ZNF841: variants seen among roughly 807,000 people sequenced by gnomAD.
ZNF841 encodes TCONS_00006091.
Under a neutral mutation model 13.0 loss-of-function variants are expected in ZNF841, and 11 were observed. The observed-to-expected ratio is 0.85, with a 90% confidence interval of 0.53 to 1.40. The LOEUF (loss-of-function observed/expected upper bound fraction) is 1.40, where lower values mean the gene tolerates loss of function less well. Among genes scored for constraint, ZNF841 ranks in the 40% most tolerant of loss-of-function variants. ZNF841 has a pLI of 0.00. For missense variants in ZNF841, 1,068 were observed against 1,139.5 expected, an observed-to-expected ratio of 0.94 and a Z score of 0.90; for synonymous variants, 369 against 381.6, an observed-to-expected ratio of 0.97 and a Z score of 0.38.
At chr19:52,059,370 A>AAAAAATATAT in the ZNF841 span, among the ~76,000 whole-genome samples, 8 of 69,642 alleles carry the variant, frequency 1.1e-4, no homozygotes, top group African/African-American at 5.7e-4. Context: ...AAAAAAAAAA[A>AAAAAATATAT]ATATATATAT....
At chr19:52,074,367 T>A (rs16983416) in intron 6 of ZNF841, among the ~76,000 whole-genome samples, 23,917 of 152,152 alleles carry the variant, frequency 0.16, 2,213 homozygotes, top group South Asian at 0.3. Context: ...TTAAAAAAGA[T>A]AAGCCTCATT....
At chr19:52,076,755 C>T (rs1404236603) in intron 5 of ZNF841, among the ~76,000 whole-genome samples, 1 of 151,936 alleles carries the variant, frequency 6.6e-6, no homozygotes. Context: ...CTGGAGTCAC[C>T]ACTAATGTAC....
At position 52,067,258 on chromosome 19, in the gene ZNF841, A is replaced by T; in HGVS notation, c.624T>A (p.Asn208Lys). The change falls in exon 7 of 7, where the codon AAT (asparagine) becomes AAA (lysine). Residue 208 changes from asparagine (N) to lysine (K), a missense_variant. Asn to Lys is a moderately conservative substitution (Grantham distance 94). Transcript: ENST00000594440. ...AATTATTAACTGTCCTCTCAATTTG[A>T]TTACATCCATAAATTTTCTCTGCAG... ...FQTAEKIYGC[N>K]QIERTVNNCF... 2 of 1,551,552 alleles carry T rather than the reference A, an allele frequency of 1.3e-6. No individual in the cohort carries two copies. Among genetic ancestry groups the T allele is most frequent in the Non-Finnish European group, 1.7e-6 (2 of 1,146,946 alleles).
chr19:52,075,410 A>G (rs2087866910), intron 6 of ZNF841, among the ~76,000 whole-genome samples: 1 of 152,220 alleles, frequency 6.6e-6, no homozygotes, highest in Non-Finnish European at 1.5e-5. Flanking sequence ...AACTGTCTTT[A>G]CAATTCTTAT....
chr19:52,084,795 G>C lies in ZNF841; in HGVS notation c.7C>G (p.Leu3Val), dbSNP rs1196559564. ...CAAGATTATCACTTTACCTGAGGAA[G>C]AGCCATCCCTGGCTCCTTTTCTTTC... is the stretch of plus-strand genomic sequence containing the variant. Reference protein sequence around the residue: MALPQGSLTFRDV... With the variant: MAVPQGSLTFRDV... Residue 3 changes from leucine (L) to valine (V), a missense_variant, in exon 4 of 7, where the codon CTT becomes GTT. By Grantham distance (32) the Leu-to-Val change is conservative. Coordinates refer to ENST00000594440, the MANE Select transcript of ZNF841 (RefSeq NM_001136499.2). The C allele has an allele frequency of 3.1e-6, 5 of 1,613,490 alleles. No individual in the cohort carries two copies. The highest frequency in any genetic ancestry group is 1.3e-5 in the African/African-American group (1 of 74,888).
At chr19:52,074,550 T>C (rs2087835407) in intron 6 of ZNF841, among the ~76,000 whole-genome samples, 1 of 145,134 alleles carries the variant, frequency 6.9e-6, no homozygotes, top group Non-Finnish European at 1.5e-5. Context: ...AAAGTCTCGC[T>C]CTTGTTCCCC....
intron 1 of ZNF841, among the ~76,000 whole-genome samples, chr19:52,095,213 G>C (rs2123412096): frequency 6.6e-6 from 1 of 152,318 alleles, no homozygotes; most frequent in Non-Finnish European, 1.5e-5. Flanking sequence ...GGCTGTGAAG[G>C]GGAAGCCTGG....
At chr19:52,072,199 C>T (rs550254447) in intron 6 of ZNF841, among the ~76,000 whole-genome samples, 12 of 152,150 alleles carry the variant, frequency 7.9e-5, no homozygotes, top group African/African-American at 2.4e-4. Context: ...GCAAAATTAA[C>T]GTAACTAAAG....
downstream of ZNF841, among the ~76,000 whole-genome samples, chr19:52,060,097 C>T (rs936992646): frequency 9.9e-5 from 15 of 152,250 alleles, no homozygotes; most frequent in East Asian, 2.5e-3. Context: ...GTGGAGTGTA[C>T]TTTCATTTTC....
At chr19:52,078,515 C>T (rs1037974004) in intron 4 of ZNF841, among the ~76,000 whole-genome samples, 176 of 151,910 alleles carry the variant, frequency 1.2e-3, no homozygotes, top group African/African-American at 3.9e-3. Flanking sequence ...CTGGCTAACA[C>T]GGTGAAACCC....
At chr19:52,083,425 T>TAA (rs57008818) in intron 4 of ZNF841, among the ~76,000 whole-genome samples, 9 of 139,542 alleles carry the variant, frequency 6.4e-5, no homozygotes, top group African/African-American at 1.3e-4. Flanking sequence ...TCCCACTCTT[T>TAA]AAAAAAAAAA....
At chr19:52,092,478 T>C (rs187798325) in intron 2 of ZNF841, among the ~76,000 whole-genome samples, 1 of 152,246 alleles carries the variant, frequency 6.6e-6, no homozygotes, top group East Asian at 1.9e-4. Flanking sequence ...CTATTTTAAA[T>C]AGGCAAGAGA....
intron 4 of ZNF841, among the ~76,000 whole-genome samples, chr19:52,081,247 T>C (rs1251293366): frequency 1.3e-5 from 2 of 152,198 alleles, no homozygotes; most frequent in Non-Finnish European, 2.9e-5. Context: ...ACATAAGTAG[T>C]TGTTATACTG....
At chr19:52,072,423 A>G (rs2087764552) in intron 6 of ZNF841, among the ~76,000 whole-genome samples, 1 of 152,256 alleles carries the variant, frequency 6.6e-6, no homozygotes, top group Non-Finnish European at 1.5e-5. Context: ...GAAATATCGG[A>G]AAAGAAAAAA....
At chr19:52,072,767 C>T (rs60500787) in intron 6 of ZNF841, among the ~76,000 whole-genome samples, 22,685 of 151,972 alleles carry the variant, frequency 0.15, 2,226 homozygotes, top group East Asian at 0.38. Flanking sequence ...TGCAGTGAGC[C>T]GAGATTGCAC....
chr19:52,077,190 T>C, intron 4 of ZNF841, 106 bp from the exon 5 acceptor site: 1 of 1,307,652 alleles, frequency 7.6e-7, no homozygotes, highest in Middle Eastern at 2.0e-4. Context: ...AAGTGTGTTT[T>C]GACATATCCA....
At chr19:52,094,166 A>G (rs893676924) in intron 1 of ZNF841, 195 bp from the exon 2 acceptor site, 3 of 152,204 alleles carry the variant, frequency 2.0e-5, no homozygotes, top group Admixed American at 6.5e-5. Flanking sequence ...CTCTGGCTAA[A>G]TAGGAATTCC....
chr19:52,084,517 C>T (rs2088205066), intron 4 of ZNF841, among the ~76,000 whole-genome samples: 2 of 152,184 alleles, frequency 1.3e-5, no homozygotes, highest in Admixed American at 6.5e-5. Context: ...AAAGCTGACA[C>T]CACAGAACTC....
In ZNF841 at chr19:52,074,792, C is replaced by A. The variant is rs2087846206; in HGVS notation, c.271+1252G>T. Among the ~76,000 whole-genome samples, 3 of 152,190 alleles carry A rather than the reference C, an allele frequency of 2.0e-5. 1 individual carries two copies. The highest frequency in any genetic ancestry group is 2.0e-4 in the Admixed American group (3 of 15,276). ...TCAGCCTCCCAAAGTGCTGGGATTA[C>A]AGGCGTTGAGCCACCGTGCCCGGCA... On this transcript the variant is annotated intron_variant, in intron 6 of 6. Transcript: ENST00000594440.
Sources: gnomAD v4.1 joint callset for allele counts (sites outside exome capture counted in the v4.1 genomes callset) on GRCh38, gnomAD v4.1.1 for gene constraint, MANE v1.5 for transcripts, NCBI Gene and HGNC (gene_info 2026-07-23, HGNC 2026-07-21) for gene names.